PHYHD1: variants seen among roughly 807,000 people sequenced by gnomAD.
PHYHD1 encodes phytanoyl-CoA dioxygenase domain containing 1.
A neutral mutation model predicts 43.6 loss-of-function variants in PHYHD1; 42 were observed. That is an observed-to-expected ratio of 0.96 (90% CI 0.75 to 1.25). PHYHD1 has a LOEUF of 1.25. PHYHD1 is among the 50% of genes most tolerant of loss of function. The pLI is 0.00. For synonymous variants in PHYHD1, 139 were observed against 143.6 expected, an observed-to-expected ratio of 0.97 and a Z score of 0.23; for missense variants, 342 against 370.8, an observed-to-expected ratio of 0.92 and a Z score of 0.64.
intron 4 of PHYHD1, among the ~76,000 whole-genome samples, chr9:128,928,425 G>A (rs555236919): frequency 6.6e-4 from 101 of 152,104 alleles, no homozygotes; most frequent in African/African-American, 2.3e-3. Context: ...TATATTGGCC[G>A]GGCGCAGTGA....
At chr9:128,937,935 T>G in intron 9 of PHYHD1, 157 bp downstream of exon 9, 2 of 1,521,004 alleles carry the variant, frequency 1.3e-6, no homozygotes, top group Middle Eastern at 2.3e-4. Context: ...CTTCCCCTGA[T>G]AGTGGATTGG....
rs779787024 is a variant in PHYHD1, at chr9:128,940,464, G to T, written c.553G>T (p.Gly185Cys). The change falls in exon 10 of 13, where the codon GGC becomes TGC. Residue 185 changes from glycine (G) to cysteine (C), a missense_variant. Gly to Cys is a radical substitution (Grantham distance 159, BLOSUM62 -3). Coordinates refer to ENST00000372592, the MANE Select transcript of PHYHD1 (RefSeq NM_001100876.2). ...AGTGGAGGATGCCACGCTGGAGAAC[G>T]GCTGTCTCTGGTTCATCCCTGGCTC... Reference protein sequence around the residue: ...IAVEDATLENGCLWFIPGSHT... With the variant: ...IAVEDATLENCCLWFIPGSHT... 1.9e-6 allele frequency: 3 copies of T among 1,614,148 alleles called. No homozygotes were observed. The highest frequency in any genetic ancestry group is 2.2e-5 in the East Asian group (1 of 44,876).
At chr9:128,931,572 T>C (rs1468959338) in intron 4 of PHYHD1, among the ~76,000 whole-genome samples, 1 of 152,184 alleles carries the variant, frequency 6.6e-6, no homozygotes, top group Non-Finnish European at 1.5e-5. Flanking sequence ...TCACCCAAGC[T>C]GGAGTGCAGT....
chr9:128,931,944 C>T (rs531203017), intron 4 of PHYHD1, among the ~76,000 whole-genome samples: 2 of 151,606 alleles, frequency 1.3e-5, no homozygotes, highest in East Asian at 3.9e-4. Flanking sequence ...AAGCAATTCT[C>T]CCATCTCAGC....
chr9:128,931,924 T>A (rs12350820), intron 4 of PHYHD1, among the ~76,000 whole-genome samples: 58,700 of 150,642 alleles, frequency 0.39, 11,627 homozygotes, highest in Admixed American at 0.43. Context: ...AACCTCCACC[T>A]CCTGGGTTCA....
At position 128,926,261 on chromosome 9, in the gene PHYHD1, G is replaced by A. The variant is rs557961774; in HGVS notation, c.34-777G>A. On this transcript the variant is annotated intron_variant, in intron 3 of 12. Coordinates refer to ENST00000372592, the MANE Select transcript of PHYHD1 (RefSeq NM_001100876.2). ...TTTTCTTTTTTTGAGACGGAGTTTC[G>A]CTTTTGTTGCCCAGGCTGGAATGCA... 6.6e-5 allele frequency among the ~76,000 whole-genome samples: 10 copies of A among 152,118 alleles called. No homozygotes were observed. The East Asian group carries it at 1.7e-3, about 27-fold the overall frequency.
At position 128,921,400 on chromosome 9, in the gene PHYHD1, G is replaced by T. The variant is rs1002685826; in HGVS notation, c.-428G>T. On this transcript the variant is annotated 5_prime_UTR_variant, in exon 1 of 13. Coordinates refer to ENST00000372592, the MANE Select transcript of PHYHD1 (RefSeq NM_001100876.2). ...TGCAAGCTCCGCCTCCCGCGTTCACGCCATTCTCCTGCCTCAGCCTCGCGA... is the reference window on the plus strand; with the variant it reads ...TGCAAGCTCCGCCTCCCGCGTTCACTCCATTCTCCTGCCTCAGCCTCGCGA... 6.6e-6 allele frequency: 1 copy of T among 152,316 alleles called. No homozygotes were observed. Among genetic ancestry groups the T allele is most frequent in the Non-Finnish European group, 1.5e-5 (1 of 68,118 alleles). The allele number at this position is 152,316 out of a possible 1,614,324, so 9.4% of individuals were successfully genotyped here.
At chr9:128,929,716 G>A (rs1040579707) in intron 4 of PHYHD1, among the ~76,000 whole-genome samples, 4 of 151,952 alleles carry the variant, frequency 2.6e-5, no homozygotes, top group African/African-American at 7.3e-5. Flanking sequence ...ATCTACATAC[G>A]TGTGTGTGTA....
intron 9 of PHYHD1, chr9:128,937,995 C>A (rs1588256076): frequency 2.1e-6 from 3 of 1,411,182 alleles, no homozygotes; most frequent in Admixed American, 5.7e-5. Flanking sequence ...CTGCCAGCAA[C>A]CCCAGCTGGT....
Position 128,926,799 on chromosome 9 carries a change from C to A in PHYHD1, c.34-239C>A, listed in dbSNP as rs1168482896. 6 of 598,742 alleles carry A rather than the reference C, an allele frequency of 1.0e-5. No individual in the cohort carries two copies. The Admixed American group carries it at 1.3e-4, about 13-fold the overall frequency. The allele number at this position is 598,742 out of a possible 1,614,324, so 37.1% of individuals were successfully genotyped here. ...ACCTCAAGTTATTGCCCGCCTCAGC[C>A]TCTCAAAGTGCTGGGATTAGAGGCA... On this transcript the variant is annotated intron_variant, in intron 3 of 12. Transcript: ENST00000372592.
chr9:128,941,248 T>C (rs1331504168), intron 11 of PHYHD1, among the ~76,000 whole-genome samples, 197 bp from the exon 12 acceptor site: 1 of 152,142 alleles, frequency 6.6e-6, no homozygotes, highest in African/African-American at 2.4e-5. Context: ...GGGGACTTGA[T>C]CCCAGAGGAA....
chr9:128,933,839 G>A lies in PHYHD1; in HGVS notation c.250G>A (p.Gly84Ser), dbSNP rs1841358094. ...GDKIRFFFEKGVFDEKGNFLV... is the reference protein window; with the variant it reads ...GDKIRFFFEKSVFDEKGNFLV... ...CAAGATTCGATTCTTCTTTGAGAAA[G>A]GCGTTTTTGATGAGAAAGGTTTGGA... Residue 84 changes from glycine to serine, a missense_variant, in exon 5 of 13, where the codon GGC (glycine) becomes AGC (serine). Coordinates refer to ENST00000372592, the MANE Select transcript of PHYHD1 (RefSeq NM_001100876.2). 2 of 1,614,160 alleles carry A rather than the reference G, an allele frequency of 1.2e-6. No homozygotes were observed. Among genetic ancestry groups the A allele is most frequent in the East Asian group, 4.5e-5 (2 of 44,878 alleles).
intron 3 of PHYHD1, among the ~76,000 whole-genome samples, chr9:128,924,362 G>A (rs1841080371): frequency 6.6e-6 from 1 of 152,214 alleles, no homozygotes; most frequent in East Asian, 1.9e-4. Context: ...AGCTTGCAGT[G>A]AGCTGAGATC....
At chr9:128,929,897 G>A (rs764234051) in intron 4 of PHYHD1, among the ~76,000 whole-genome samples, 7 of 151,854 alleles carry the variant, frequency 4.6e-5, no homozygotes, top group Non-Finnish European at 8.8e-5. Context: ...GGCCAAGGCA[G>A]TGGACAAATC....
chr9:128,922,862 T>C (rs762421202), intron 3 of PHYHD1, among the ~76,000 whole-genome samples: 1 of 151,996 alleles, frequency 6.6e-6, no homozygotes, highest in Non-Finnish European at 1.5e-5. Flanking sequence ...ACGAATCAAG[T>C]GCTGGACAGG....
At chr9:128,932,163 A>ATTTTTTTTTTTTTTTTTTTT (rs1564540363) in intron 4 of PHYHD1, among the ~76,000 whole-genome samples, 1 of 125,348 alleles carries the variant, frequency 8.0e-6, no homozygotes, top group African/African-American at 3.4e-5. Flanking sequence ...TATTATTATT[A>ATTTTTTTTTTTTTTTTTTTT]TTATTGTTAT....
chr9:128,922,604 C>T (rs1197517015), intron 3 of PHYHD1, among the ~76,000 whole-genome samples: 6 of 152,156 alleles, frequency 3.9e-5, no homozygotes, highest in Non-Finnish European at 8.8e-5. Flanking sequence ...AGAATAAGGC[C>T]TCGGAACCCA....
At position 128,921,050 on chromosome 9, in the gene PHYHD1, T is replaced by G. The variant is rs1278659093; in HGVS notation, c.-778T>G. On this transcript the variant is annotated 5_prime_UTR_variant, in exon 1 of 13. Coordinates refer to ENST00000372592, the MANE Select transcript of PHYHD1 (RefSeq NM_001100876.2). ...AGAGCCAGCGAGTGGCCCTGCCAGC[T>G]GCTGAGCAGGGCAAGCTGAGAAGGG... is the stretch of plus-strand genomic sequence containing the variant. 6.6e-6 allele frequency: 1 copy of G among 152,274 alleles called. No individual in the cohort carries two copies. The highest frequency in any genetic ancestry group is 2.4e-5 in the African/African-American group (1 of 41,454). 9.4% of individuals were successfully genotyped at this position (152,274 alleles called of 1,614,324 possible). A position where few individuals can be genotyped will look rare whatever the true frequency, so the allele number is the denominator to read the frequency against.
intron 12 of PHYHD1, 48 bp from the exon 13 acceptor site, chr9:128,941,620 G>C (rs768182961): frequency 3.7e-6 from 6 of 1,614,178 alleles, no homozygotes; most frequent in Middle Eastern, 1.6e-4. Context: ...TGGAGGCTGG[G>C]AACAGTGACC....
Sources: gnomAD v4.1 joint callset for allele counts (sites outside exome capture counted in the v4.1 genomes callset) on GRCh38, gnomAD v4.1.1 for gene constraint, MANE v1.5 for transcripts, NCBI Gene and HGNC (gene_info 2026-07-23, HGNC 2026-07-21) for gene names.